The following CDH18 variants were observed in gnomAD, a reference collection of about 807,000 sequenced individuals.
CDH18 encodes cadherin-18.
A neutral mutation model predicts 67.9 loss-of-function variants in CDH18; 31 were observed. The ratio of observed to expected loss-of-function variants is 0.46; its 90% confidence interval spans 0.34 to 0.62. The LOEUF (loss-of-function observed/expected upper bound fraction) is 0.62. Among genes scored for constraint, CDH18 ranks in the 20% least tolerant of loss-of-function variants. CDH18 has a pLI of 0.01. For missense variants in CDH18, 890 were observed against 975.5 expected, an observed-to-expected ratio of 0.91 and a Z score of 1.17; for synonymous variants, 362 against 347.2, an observed-to-expected ratio of 1.04 and a Z score of -0.48.
chr5:19,960,756 T>A (rs1034949723), intron 2 of CDH18, among the ~76,000 whole-genome samples: 1 of 119,594 alleles, frequency 8.4e-6, no homozygotes, highest in Non-Finnish European at 1.5e-5. Flanking sequence ...TGTATATATA[T>A]GTATATATGT....
Position 20,374,484 on chromosome 5 carries a change from A to G in CDH18, c.-579-118979T>C, listed in dbSNP as rs116347033. On this transcript the variant is annotated intron_variant, in intron 1 of 14. Coordinates refer to the CDH18 transcript ENST00000507958. ...AGATTTGAGACATCTTGGGGTTTGA[A>G]TTTAATCTAAGGAATTCCCTAGTGT... Among the ~76,000 whole-genome samples the G allele has an allele frequency of 1.8e-3, 269 of 152,298 alleles. 2 individuals are homozygous for G. Among genetic ancestry groups the G allele is most frequent in the African/African-American group, 6.3e-3 (261 of 41,568 alleles).
chr5:20,013,287 G>C (rs1737613695), intron 2 of CDH18, among the ~76,000 whole-genome samples: 1 of 152,018 alleles, frequency 6.6e-6, no homozygotes. Context: ...TTTTTTAAGA[G>C]TTTGAACTGT....
intron 2 of CDH18, among the ~76,000 whole-genome samples, chr5:20,168,374 A>C (rs1736455578): frequency 6.6e-6 from 1 of 152,088 alleles, no homozygotes; most frequent in Non-Finnish European, 1.5e-5. Context: ...AAAGCTTAAA[A>C]GGAACAAACA....
At chr5:20,363,461 G>A (rs1193931296) in intron 1 of CDH18, among the ~76,000 whole-genome samples, 2 of 120,904 alleles carry the variant, frequency 1.7e-5, no homozygotes, top group Non-Finnish European at 3.3e-5. Context: ...GGGCAACACA[G>A]AGCGAGACTC....
At chr5:19,982,746 T>C (rs1165368760) in intron 1 of CDH18, among the ~76,000 whole-genome samples, 3 of 152,094 alleles carry the variant, frequency 2.0e-5, no homozygotes, top group Non-Finnish European at 4.4e-5. Flanking sequence ...GAAATTCTTT[T>C]AAATATTATA....
chr5:19,482,430 TTAAGGGAATA>T (rs1393585410), intron 12 of CDH18, among the ~76,000 whole-genome samples: 2 of 152,202 alleles, frequency 1.3e-5, no homozygotes, highest in African/African-American at 4.8e-5. Context: ...ATTATTGTTT[TTAAGGGAATA>T]TAATTAAATT....
intron 2 of CDH18, among the ~76,000 whole-genome samples, chr5:20,094,934 A>C (rs1439802623): frequency 2.0e-5 from 3 of 152,198 alleles, no homozygotes; most frequent in Non-Finnish European, 1.5e-5. Flanking sequence ...AAACTGGATA[A>C]AGAAAATGTG....
At chr5:20,400,807 G>A (rs997097467) in intron 1 of CDH18, among the ~76,000 whole-genome samples, 1 of 152,068 alleles carries the variant, frequency 6.6e-6, no homozygotes, top group Non-Finnish European at 1.5e-5. Flanking sequence ...AGTAAAATAA[G>A]TAATAAGTAA....
At chr5:20,376,176 C>A (rs994844571) in intron 1 of CDH18, among the ~76,000 whole-genome samples, 1 of 138,560 alleles carries the variant, frequency 7.2e-6, no homozygotes, top group African/African-American at 2.7e-5. Context: ...TCACTGCAGG[C>A]TCCGCCTCCC....
Position 20,505,187 on chromosome 5 carries a change from C to T in CDH18, c.-580+70275G>A, listed in dbSNP as rs560275191. ...TAGATAAAGACTGGTGGTATAAGTA[C>T]AGTCTGTTACAAAGAGAACATCCTG... On this transcript the variant is annotated intron_variant, in intron 1 of 14. Coordinates refer to the CDH18 transcript ENST00000507958. Among the ~76,000 whole-genome samples, 165 of 152,024 alleles carry T rather than the reference C, an allele frequency of 1.1e-3. 1 individual carries two copies. The highest frequency in any genetic ancestry group is 1.7e-3 in the Non-Finnish European group (118 of 68,018).
chr5:20,568,371 T>C (rs541412842), intron 1 of CDH18, among the ~76,000 whole-genome samples: 1 of 152,314 alleles, frequency 6.6e-6, no homozygotes, highest in African/African-American at 2.4e-5. Flanking sequence ...GTCAAAATGT[T>C]CTGTCACTTA....
At chr5:19,862,212 G>C (rs1784979683) in intron 2 of CDH18, among the ~76,000 whole-genome samples, 2 of 152,006 alleles carry the variant, frequency 1.3e-5, no homozygotes, top group Admixed American at 6.6e-5. Context: ...ATACATTACA[G>C]AACATTCAAA....
rs1333482125 is a variant in CDH18 at position 20,063,041 on chromosome 5, T to TAC, written c.-517-71029_-517-71028dup. On this transcript the variant is annotated intron_variant, in intron 2 of 14. Coordinates refer to the CDH18 transcript ENST00000507958. ...TCTTGGTCTGTCACCCAGGCTGGGGTACACCAATATGCTTCTTATAGAAAT... is the reference window on the plus strand; with the variant it reads ...TCTTGGTCTGTCACCCAGGCTGGGGTACACACCAATATGCTTCTTATAGAAAT... 1.4e-5 allele frequency among the ~76,000 whole-genome samples: 2 copies of TAC among 146,202 alleles called. 1 individual carries two copies.
intron 2 of CDH18, among the ~76,000 whole-genome samples, chr5:19,952,971 A>T (rs1237008768): frequency 2.0e-5 from 3 of 152,188 alleles, no homozygotes; most frequent in African/African-American, 7.2e-5. Flanking sequence ...TTATCTGACA[A>T]GGAAATTAGA....
At chr5:20,353,895 G>A (rs1400852088) in intron 1 of CDH18, among the ~76,000 whole-genome samples, 1 of 152,170 alleles carries the variant, frequency 6.6e-6, no homozygotes, top group Non-Finnish European at 1.5e-5. Context: ...GGAAGCTAAA[G>A]AGTCCCTTGC....
At chr5:19,986,411 G>A (rs746361794) in intron 1 of CDH18, among the ~76,000 whole-genome samples, 2 of 152,182 alleles carry the variant, frequency 1.3e-5, no homozygotes, top group Non-Finnish European at 2.9e-5. Flanking sequence ...TCTGTTGCAT[G>A]TATAATAGCC....
At chr5:20,051,164 G>A (rs1318005884) in intron 2 of CDH18, among the ~76,000 whole-genome samples, 3 of 151,882 alleles carry the variant, frequency 2.0e-5, no homozygotes, top group Non-Finnish European at 4.4e-5. Context: ...TAATAAAATT[G>A]CTATCCTATT....
chr5:20,014,057 T>C (rs1272423672), intron 2 of CDH18, among the ~76,000 whole-genome samples: 1 of 152,236 alleles, frequency 6.6e-6, no homozygotes, highest in Non-Finnish European at 1.5e-5. Flanking sequence ...ATTTACCACA[T>C]TTATCTGATA....
chr5:20,192,959 A>T (rs561355828), intron 2 of CDH18, among the ~76,000 whole-genome samples: 141 of 152,244 alleles, frequency 9.3e-4, no homozygotes, highest in Non-Finnish European at 1.5e-3. Flanking sequence ...CATTTTCATG[A>T]CATTAATTCT....
Sources: allele counts gnomAD v4.1 joint callset (sites outside exome capture counted in the v4.1 genomes callset), GRCh38; gene constraint gnomAD v4.1.1; transcripts MANE v1.5; gene names NCBI Gene and HGNC (gene_info 2026-07-23, HGNC 2026-07-21).